DGKB: variants seen among roughly 807,000 people sequenced by gnomAD.
DGKB encodes 90 kDa diacylglycerol kinase.
Under a neutral mutation model 114.3 loss-of-function variants are expected in DGKB, and 67 were observed. That is an observed-to-expected ratio of 0.59 (90% CI 0.48 to 0.72). The LOEUF is 0.72. Ranked by LOEUF, DGKB falls within the 30% of genes least tolerant of loss-of-function variation. DGKB has a pLI of 0.00. For synonymous variants in DGKB, 398 were observed against 323.1 expected, an observed-to-expected ratio of 1.23 and a Z score of -2.49; for missense variants, 907 against 975.2, an observed-to-expected ratio of 0.93 and a Z score of 0.93.
chr7:14,743,160 A>C (rs1315198576), intron 4 of DGKB, among the ~76,000 whole-genome samples: 1 of 152,198 alleles, frequency 6.6e-6, no homozygotes, highest in Non-Finnish European at 1.5e-5. Context: ...AGAATTGTCT[A>C]TAAGGTTTCA....
At chr7:14,679,050 T>C (rs1165189374) in intron 12 of DGKB, among the ~76,000 whole-genome samples, 1 of 151,916 alleles carries the variant, frequency 6.6e-6, no homozygotes, top group Non-Finnish European at 1.5e-5. Flanking sequence ...TAGGATTTAG[T>C]GAGATTCAGG....
chr7:14,331,271 G>A (rs934248141), intron 23 of DGKB, among the ~76,000 whole-genome samples: 12 of 151,704 alleles, frequency 7.9e-5, no homozygotes, highest in African/African-American at 2.7e-4. Context: ...CATCTCAAAC[G>A]CCATACTATT....
At chr7:14,694,515 A>G (rs915127431) in intron 8 of DGKB, among the ~76,000 whole-genome samples, 2 of 152,214 alleles carry the variant, frequency 1.3e-5, no homozygotes, top group African/African-American at 4.8e-5. Flanking sequence ...TATTTTTTAG[A>G]TTCATATATA....
chr7:14,178,713 T>C (rs181097778), intron 23 of DGKB, among the ~76,000 whole-genome samples: 2 of 152,272 alleles, frequency 1.3e-5, no homozygotes, highest in Admixed American at 1.3e-4. Context: ...CAAGAAACAA[T>C]AGTAATTTTG....
chr7:14,624,997 C>CAATA (rs1017210283), intron 14 of DGKB, among the ~76,000 whole-genome samples: 3 of 151,646 alleles, frequency 2.0e-5, no homozygotes, highest in African/African-American at 4.8e-5. Context: ...GACTCTGTCT[C>CAATA]AATAAATAAA....
chr7:14,418,272 A>T (rs528960745), intron 21 of DGKB, among the ~76,000 whole-genome samples: 37,029 of 142,018 alleles, frequency 0.26, 5,353 homozygotes, highest in East Asian at 0.47. Context: ...ATGTATATAT[A>T]TTTTATATAT....
chr7:14,652,344 C>T lies in DGKB; in HGVS notation c.1134+20585G>A, dbSNP rs186639887. The stretch of plus-strand genomic sequence containing the variant: ...AGAACAGAGCCCTCAGAAATAACGC[C>T]GCATATCTACAACTATCCGATCTTT... On this transcript the variant is annotated intron_variant, in intron 13 of 25. Coordinates refer to ENST00000402815, the MANE Select transcript of DGKB (RefSeq NM_001350709.2). 8.3e-3 allele frequency among the ~76,000 whole-genome samples: 1,255 copies of T among 152,034 alleles called. 16 individuals carry two copies. The highest frequency in any genetic ancestry group is 0.028 in the African/African-American group (1,160 of 41,458).
chr7:14,651,045 C>T (rs1420820491), intron 13 of DGKB, among the ~76,000 whole-genome samples: 3 of 152,176 alleles, frequency 2.0e-5, no homozygotes, highest in East Asian at 1.9e-4. Flanking sequence ...CAGATGGATT[C>T]ACAGCCGAAT....
At chr7:14,314,908 A>G (rs1003703166) in intron 23 of DGKB, among the ~76,000 whole-genome samples, 12 of 152,014 alleles carry the variant, frequency 7.9e-5, no homozygotes, top group Admixed American at 1.3e-4. Flanking sequence ...CTCAAAGGGA[A>G]GCCCATCAGA....
Position 14,338,634 on chromosome 7 carries a change from C to T in DGKB, c.2003G>A (p.Gly668Glu). Residue 668 changes from glycine (G) to glutamate (E), a missense_variant, in exon 23 of 26, where the codon GGA (glycine) becomes GAA (glutamate). Coordinates refer to ENST00000402815, the MANE Select transcript of DGKB (RefSeq NM_001350709.2). ...IAILNIPSMH[G>E]GSNLWGESKK... ...AGACTCTCCCCAAAGATTGGATCCT[C>T]CATGCATGCTTGGTATATTCAAAAT... 6.2e-7 allele frequency: 1 copy of T among 1,608,582 alleles called. No individual in the cohort carries two copies. The highest frequency in any genetic ancestry group is 2.2e-5 in the East Asian group (1 of 44,610).
At chr7:14,591,428 C>A (rs1270322529) in intron 17 of DGKB, among the ~76,000 whole-genome samples, 1 of 152,018 alleles carries the variant, frequency 6.6e-6, no homozygotes, top group African/African-American at 2.4e-5. Flanking sequence ...TGATGAGTTT[C>A]CAATGTTGGC....
intron 17 of DGKB, among the ~76,000 whole-genome samples, chr7:14,601,720 T>C (rs1803576803): frequency 6.6e-6 from 1 of 152,124 alleles, no homozygotes; most frequent in Non-Finnish European, 1.5e-5. Flanking sequence ...TCCCACAAAA[T>C]AGTAGGACAT....
chr7:14,966,939 C>T (rs1787189900), intron 1 of DGKB, among the ~76,000 whole-genome samples: 1 of 152,060 alleles, frequency 6.6e-6, no homozygotes, highest in Non-Finnish European at 1.5e-5. Flanking sequence ...TTTCAAATTT[C>T]ATCTTAAGGA....
At chr7:14,925,536 A>G (rs80066110) in intron 1 of DGKB, among the ~76,000 whole-genome samples, 2,286 of 152,244 alleles carry the variant, frequency 0.015, 55 homozygotes, top group African/African-American at 0.046. Flanking sequence ...ATTCATGAAT[A>G]TGGTATGTCT....
chr7:14,262,571 T>C (rs1038089788), intron 23 of DGKB, among the ~76,000 whole-genome samples: 4 of 152,176 alleles, frequency 2.6e-5, no homozygotes, highest in Non-Finnish European at 4.4e-5. Flanking sequence ...CAGTATGTGA[T>C]ATTTTGTTAC....
intron 23 of DGKB, among the ~76,000 whole-genome samples, chr7:14,205,001 C>A (rs1205963187): frequency 2.6e-5 from 4 of 151,990 alleles, no homozygotes; most frequent in Non-Finnish European, 4.4e-5. Context: ...TCTTAATCAA[C>A]TTCATTCTTC....
At chr7:14,333,750 G>A (rs140435985) in intron 23 of DGKB, among the ~76,000 whole-genome samples, 278 of 152,200 alleles carry the variant, frequency 1.8e-3, no homozygotes, top group African/African-American at 6.2e-3. Context: ...TCCTTGAGAG[G>A]TCCTCACTCT....
chr7:14,418,314 T>TAC, intron 21 of DGKB, among the ~76,000 whole-genome samples: 7 of 145,944 alleles, frequency 4.8e-5, no homozygotes. Flanking sequence ...TATGTATATA[T>TAC]GTATGTATAT....
intron 23 of DGKB, among the ~76,000 whole-genome samples, chr7:14,256,147 GC>G (rs1237446822): frequency 1.3e-5 from 2 of 152,008 alleles, no homozygotes; most frequent in East Asian, 3.9e-4. Context: ...TTGAATCTTT[GC>G]TTTTTACTGA....
Sources: allele counts gnomAD v4.1 joint callset (sites outside exome capture counted in the v4.1 genomes callset), GRCh38; gene constraint gnomAD v4.1.1; transcripts MANE v1.5; gene names NCBI Gene and HGNC (gene_info 2026-07-23, HGNC 2026-07-21).